Variants in CDH9 observed in about 807,000 individuals in gnomAD.
The protein encoded by CDH9 is cadherin 9, also known as cadherin-9.
A neutral mutation model predicts 70.9 loss-of-function variants in CDH9; 28 were observed. The ratio of observed to expected loss-of-function variants is 0.40; its 90% CI spans 0.29 to 0.54. The LOEUF (loss-of-function observed/expected upper bound fraction) is 0.54, where lower values mean the gene tolerates loss of function less well. Among genes scored for constraint, CDH9 ranks in the 20% least tolerant of loss-of-function variants. The pLI, the probability that CDH9 is intolerant of heterozygous loss-of-function variation, is 0.59. For synonymous variants in CDH9, 409 were observed against 343.1 expected, an observed-to-expected ratio of 1.19 and a Z score of -2.12; for missense variants, 874 against 984.4, an observed-to-expected ratio of 0.89 and a Z score of 1.50.
rs370703056 is a variant in CDH9, at chr5:26,908,454, C to T, written c.524-1616G>A. 5.9e-5 allele frequency among the ~76,000 whole-genome samples: 9 copies of T among 152,110 alleles called. No homozygotes were observed. In the East Asian group the frequency reaches 1.2e-3, roughly 20 times the overall value. ...TTGAAATATGAATTATTAAGCATTACCAATATGCTGAAAATACAAGTAGTT... is the reference window on the plus strand; with the variant it reads ...TTGAAATATGAATTATTAAGCATTATCAATATGCTGAAAATACAAGTAGTT... On this transcript the variant is annotated intron_variant, in intron 3 of 11. Transcript: ENST00000231021.
chr5:26,950,843 A>T (rs1741831889), intron 2 of CDH9, among the ~76,000 whole-genome samples: 1 of 152,238 alleles, frequency 6.6e-6, no homozygotes, highest in African/African-American at 2.4e-5. Flanking sequence ...AGGATGTCAG[A>T]TTACTCTTTA....
At chr5:27,008,860 C>T (rs905827148) in intron 1 of CDH9, among the ~76,000 whole-genome samples, 2 of 152,118 alleles carry the variant, frequency 1.3e-5, no homozygotes, top group Non-Finnish European at 1.5e-5. Context: ...TTTGTTCTAC[C>T]TCTGCCAAGG....
At chr5:26,938,600 C>A (rs1741603036) in intron 2 of CDH9, among the ~76,000 whole-genome samples, 1 of 152,022 alleles carries the variant, frequency 6.6e-6, no homozygotes, top group South Asian at 2.1e-4. Context: ...TACACCTAAC[C>A]TAAGACAGAG....
At chr5:26,995,774 C>T (rs1742654614) in intron 1 of CDH9, among the ~76,000 whole-genome samples, 1 of 152,046 alleles carries the variant, frequency 6.6e-6, no homozygotes, top group African/African-American at 2.4e-5. Flanking sequence ...TATTTGTCAG[C>T]ATTAAATGCT....
chr5:26,910,564 T>C (rs1265545758), intron 3 of CDH9, among the ~76,000 whole-genome samples: 1 of 152,042 alleles, frequency 6.6e-6, no homozygotes, highest in African/African-American at 2.4e-5. Flanking sequence ...ATGTCTGGAG[T>C]GGTTGATAGA....
chr5:26,949,847 A>G (rs1579470650), intron 2 of CDH9, among the ~76,000 whole-genome samples: 1 of 152,242 alleles, frequency 6.6e-6, no homozygotes, highest in African/African-American at 2.4e-5. Context: ...CTCTATTTGT[A>G]TAAATTAATT....
intron 3 of CDH9, among the ~76,000 whole-genome samples, chr5:26,915,150 T>C (rs954885475): frequency 3.9e-5 from 6 of 151,998 alleles, no homozygotes; most frequent in Non-Finnish European, 7.4e-5. Context: ...GAATCTTGAG[T>C]TTCTAATTAA....
At chr5:27,001,844 A>ACACT (rs1312157550) in intron 1 of CDH9, among the ~76,000 whole-genome samples, 80 of 142,058 alleles carry the variant, frequency 5.6e-4, no homozygotes, top group South Asian at 2.9e-3. Flanking sequence ...ACACACACAC[A>ACACT]CTCTCTCTCT....
At chr5:26,927,669 G>A (rs1342423335) in intron 2 of CDH9, among the ~76,000 whole-genome samples, 1 of 152,006 alleles carries the variant, frequency 6.6e-6, no homozygotes, top group African/African-American at 2.4e-5. Context: ...GTGAAAGTTA[G>A]TTCTTAGGAT....
chr5:26,917,552 T>A (rs2112007528), intron 2 of CDH9, among the ~76,000 whole-genome samples: 1 of 152,274 alleles, frequency 6.6e-6, no homozygotes, highest in East Asian at 1.9e-4. Flanking sequence ...ATTATTTGAC[T>A]ATTTAAATTA....
chr5:27,011,424 T>C (rs1742952402), intron 1 of CDH9, among the ~76,000 whole-genome samples: 1 of 151,886 alleles, frequency 6.6e-6, no homozygotes, highest in Admixed American at 6.6e-5. Context: ...AAGATGACCA[T>C]GTGAAGAAGG....
At chr5:26,921,250 G>A (rs1741238623) in intron 2 of CDH9, among the ~76,000 whole-genome samples, 1 of 152,028 alleles carries the variant, frequency 6.6e-6, no homozygotes. Context: ...ACACCCTTAA[G>A]ATGCCCAGTA....
intron 2 of CDH9, among the ~76,000 whole-genome samples, chr5:26,968,467 G>A (rs1435270264): frequency 2.0e-5 from 3 of 151,916 alleles, no homozygotes; most frequent in African/African-American, 7.3e-5. Context: ...TGTATTTTTA[G>A]TAGAGATGGT....
intron 3 of CDH9, among the ~76,000 whole-genome samples, chr5:26,911,298 TTA>T (rs1346033277): frequency 6.6e-6 from 1 of 152,154 alleles, no homozygotes; most frequent in Non-Finnish European, 1.5e-5. Flanking sequence ...TCAAAGTCCA[TTA>T]TAAATATATT....
At chr5:26,965,572 T>A (rs184844922) in intron 2 of CDH9, among the ~76,000 whole-genome samples, 1 of 142,854 alleles carries the variant, frequency 7.0e-6, no homozygotes, top group Non-Finnish European at 1.5e-5. Context: ...TGAGACTCTG[T>A]CTTAATAATA....
At chr5:26,922,304 A>G (rs1741259536) in intron 2 of CDH9, among the ~76,000 whole-genome samples, 1 of 152,098 alleles carries the variant, frequency 6.6e-6, no homozygotes, top group African/African-American at 2.4e-5. Flanking sequence ...TTCCAAGGTC[A>G]AGGACACATA....
At chr5:26,937,886 A>G (rs900737716) in intron 2 of CDH9, among the ~76,000 whole-genome samples, 1 of 152,130 alleles carries the variant, frequency 6.6e-6, no homozygotes, top group Admixed American at 6.6e-5. Context: ...TCTGTATAAT[A>G]TCAAAATGGT....
chr5:27,006,353 A>G (rs1047315461), intron 1 of CDH9, among the ~76,000 whole-genome samples: 2 of 152,058 alleles, frequency 1.3e-5, no homozygotes, highest in African/African-American at 2.4e-5. Flanking sequence ...TCAGAACTGT[A>G]TACCTGGGCT....
At chr5:27,009,806 G>A (rs1742926727) in intron 1 of CDH9, among the ~76,000 whole-genome samples, 1 of 152,086 alleles carries the variant, frequency 6.6e-6, no homozygotes, top group African/African-American at 2.4e-5. Flanking sequence ...AGTTTCATGT[G>A]TCAAGAGATA....
Sources: allele counts gnomAD v4.1 joint callset (sites outside exome capture counted in the v4.1 genomes callset), GRCh38; gene constraint gnomAD v4.1.1; transcripts MANE v1.5; gene names NCBI Gene and HGNC (gene_info 2026-07-23, HGNC 2026-07-21).